Variants in FBXL13 observed in about 807,000 individuals in gnomAD.
FBXL13 encodes F-box and leucine-rich repeat protein 13.
In FBXL13, 67 loss-of-function variants were observed where a neutral mutation model predicts 83.6. The observed-to-expected ratio is 0.80, with a 90% CI of 0.66 to 0.98. FBXL13 has a LOEUF of 0.98. FBXL13 is among the 50% of genes least tolerant of loss of function. The pLI, the probability that FBXL13 is intolerant of heterozygous loss-of-function variation, is 0.00. For synonymous variants in FBXL13, 272 were observed against 299.5 expected (o/e 0.91, Z 0.95); for missense variants, 822 against 866.5 (o/e 0.95, Z 0.64).
chr7:102,888,086 G>A (rs2129459781), intron 11 of FBXL13, among the ~76,000 whole-genome samples: 1 of 152,344 alleles, frequency 6.6e-6, no homozygotes, highest in Non-Finnish European at 1.5e-5. Context: ...AACTCTTCCT[G>A]CAATCCGTGT....
chr7:103,019,144 A>G (rs541092298), intron 6 of FBXL13, among the ~76,000 whole-genome samples: 1 of 152,374 alleles, frequency 6.6e-6, no homozygotes, highest in African/African-American at 2.4e-5. Context: ...CAGTGCAATC[A>G]AACTAGAACT....
intron 19 of FBXL13, among the ~76,000 whole-genome samples, chr7:102,815,100 A>G (rs1797807516): frequency 6.6e-6 from 1 of 152,168 alleles, no homozygotes; most frequent in South Asian, 2.1e-4. Flanking sequence ...TGTAACAAAC[A>G]GCAAGGCTCC....
rs527699665 is a variant in FBXL13 at position 102,944,597 on chromosome 7, T to C, written c.725-12664A>G. On this transcript the variant is annotated intron_variant, in intron 8 of 19. Coordinates refer to ENST00000313221, the Ensembl canonical transcript of FBXL13. The stretch of plus-strand genomic sequence containing the variant: ...AAGAAGCAAAGCGTAATAATTACTA[T>C]AGTAGGATAAGGTAGAAATTGTTCT... 11 of 1,599,560 alleles carry C rather than the reference T, an allele frequency of 6.9e-6. No individual in the cohort carries two copies. The East Asian group carries it at 8.9e-5, about 13-fold the overall frequency.
At chr7:102,976,059 T>C (rs757962803) in intron 6 of FBXL13, 4 of 766,312 alleles carry the variant, frequency 5.2e-6, no homozygotes, top group East Asian at 2.4e-5. Context: ...CCACTGGAAG[T>C]TGGACTGTGA....
chr7:103,053,912 C>T (rs573563877), intron 2 of FBXL13, among the ~76,000 whole-genome samples: 2 of 152,336 alleles, frequency 1.3e-5, no homozygotes, highest in African/African-American at 4.8e-5. Flanking sequence ...AATTCTGTTT[C>T]TCTGTTGCAG....
intron 16 of FBXL13, among the ~76,000 whole-genome samples, chr7:102,869,512 G>A (rs1431055062): frequency 2.0e-5 from 3 of 151,394 alleles, no homozygotes; most frequent in Non-Finnish European, 4.4e-5. Context: ...TTCTTTTGTT[G>A]CCTGTGTTTT....
chr7:102,829,541 T>C (rs1800293091), intron 18 of FBXL13, among the ~76,000 whole-genome samples: 1 of 152,146 alleles, frequency 6.6e-6, no homozygotes, highest in Admixed American at 6.6e-5. Flanking sequence ...TTCACGTCGG[T>C]CATGAGGGTC....
At chr7:102,837,439 T>C (rs1802193895) in intron 17 of FBXL13, among the ~76,000 whole-genome samples, 1 of 152,228 alleles carries the variant, frequency 6.6e-6, no homozygotes, top group Non-Finnish European at 1.5e-5. Flanking sequence ...TGAAATTTGT[T>C]ATAAAATTAG....
chr7:102,867,691 ATATATTTTTT>A (rs1333389602), intron 16 of FBXL13, among the ~76,000 whole-genome samples: 112 of 71,508 alleles, frequency 1.6e-3, no homozygotes, highest in Non-Finnish European at 2.3e-3. Flanking sequence ...ATATATATAT[ATATATTTTTT>A]TTTTTTTTTT....
chr7:102,863,071 T>G (rs151160293), intron 16 of FBXL13, among the ~76,000 whole-genome samples: 1 of 152,354 alleles, frequency 6.6e-6, no homozygotes, highest in African/African-American at 2.4e-5. Context: ...GCACTGTTAC[T>G]TTCAGAGAAC....
At chr7:102,930,800 A>G (rs893339440) in intron 9 of FBXL13, among the ~76,000 whole-genome samples, 2 of 152,148 alleles carry the variant, frequency 1.3e-5, no homozygotes, top group African/African-American at 4.8e-5. Context: ...GTTAATTATG[A>G]CTTATACATA....
At chr7:102,822,632 T>A (rs1479740526) in intron 18 of FBXL13, among the ~76,000 whole-genome samples, 1 of 152,238 alleles carries the variant, frequency 6.6e-6, no homozygotes, top group East Asian at 1.9e-4. Context: ...ATTCAATTCA[T>A]AACAAATAGA....
chr7:103,059,137 GC>G (rs554880810), intron 1 of FBXL13, among the ~76,000 whole-genome samples: 48 of 152,304 alleles, frequency 3.2e-4, no homozygotes, highest in African/African-American at 1.1e-3. Context: ...GAGCATGGTG[GC>G]GTGTGCCTGT....
At chr7:103,074,529 C>T in exon 1 of FBXL13, 1 of 1,205,330 alleles carries the variant, frequency 8.3e-7, no homozygotes, top group Non-Finnish European at 1.1e-6. Flanking sequence ...CAGCCCTGAT[C>T]GCCTACAAGT....
intron 14 of FBXL13, among the ~76,000 whole-genome samples, chr7:102,880,167 T>C (rs1162286999): frequency 6.6e-6 from 1 of 152,374 alleles, no homozygotes; most frequent in East Asian, 1.9e-4. Context: ...GTTTGAAAGT[T>C]GCTGGAACTT....
At chr7:102,951,805 CAAA>C (rs5886239) in intron 8 of FBXL13, among the ~76,000 whole-genome samples, 7 of 88,068 alleles carry the variant, frequency 7.9e-5, no homozygotes, top group Non-Finnish European at 9.4e-5. Context: ...ACTCTCTCTC[CAAA>C]AAAAAAAAAA....
intron 18 of FBXL13, 152 bp downstream of exon 19, chr7:102,832,688 A>ATT: frequency 2.2e-6 from 2 of 905,318 alleles, no homozygotes; most frequent in Non-Finnish European, 3.1e-6. Flanking sequence ...ATCATAAGCT[A>ATT]TTTCCAATTT....
intron 10 of FBXL13, among the ~76,000 whole-genome samples, chr7:102,924,561 T>C (rs1159999652): frequency 1.3e-5 from 2 of 151,778 alleles, no homozygotes; most frequent in African/African-American, 4.8e-5. Flanking sequence ...TGCCACTTCT[T>C]AGGCTGGTAC....
At chr7:102,885,421 G>GA (rs1810662749) in intron 11 of FBXL13, among the ~76,000 whole-genome samples, 2 of 151,832 alleles carry the variant, frequency 1.3e-5, no homozygotes, top group Non-Finnish European at 2.9e-5. Flanking sequence ...TCTTCTTTGG[G>GA]AAAATGTCTA....
Sources: allele counts gnomAD v4.1 joint callset (sites outside exome capture counted in the v4.1 genomes callset), GRCh38; gene constraint gnomAD v4.1.1; transcripts MANE v1.5; gene names NCBI Gene and HGNC (gene_info 2026-07-23, HGNC 2026-07-21).